DIP2C: variants seen among roughly 807,000 people sequenced by gnomAD.
The protein encoded by DIP2C is disco-interacting protein 2 homolog C.
Under a neutral mutation model 192.4 loss-of-function variants are expected in DIP2C, and 33 were observed. The ratio of observed to expected loss-of-function variants is 0.17; its 90% confidence interval spans 0.13 to 0.23. The LOEUF (loss-of-function observed/expected upper bound fraction) is 0.23, where lower values mean the gene tolerates loss of function less well. Ranked by LOEUF, DIP2C falls within the 10% of genes least tolerant of loss-of-function variation. DIP2C has a pLI of 1.00. For missense variants in DIP2C, 1,537 were observed against 2,110.1 expected, an observed-to-expected ratio of 0.73 and a Z score of 5.32; for synonymous variants, 979 against 864.1, an observed-to-expected ratio of 1.13 and a Z score of -2.33.
At chr10:514,842 C>T (rs1363257057) in intron 1 of DIP2C, among the ~76,000 whole-genome samples, 1 of 152,156 alleles carries the variant, frequency 6.6e-6, no homozygotes, top group Non-Finnish European at 1.5e-5. Context: ...GATTCCTGTG[C>T]TTGGAGGATT....
At chr10:465,598 G>C (rs1470012271) in intron 3 of DIP2C, among the ~76,000 whole-genome samples, 1 of 152,090 alleles carries the variant, frequency 6.6e-6, no homozygotes, top group African/African-American at 2.4e-5. Flanking sequence ...AAGTCAAATT[G>C]TCCCTGTTTG....
chr10:441,872 G>T (rs777913549), intron 3 of DIP2C, among the ~76,000 whole-genome samples: 1 of 150,508 alleles, frequency 6.6e-6, no homozygotes, highest in East Asian at 1.9e-4. Context: ...GGCTGGGAAC[G>T]CAGTGGTGAT....
intron 32 of DIP2C, among the ~76,000 whole-genome samples, chr10:308,573 A>C (rs1393141830): frequency 1.3e-5 from 2 of 152,232 alleles, no homozygotes; most frequent in African/African-American, 4.8e-5. Flanking sequence ...TTATTTAGAA[A>C]ACTGTATGCC....
chr10:354,930 G>A (rs1438447355), intron 24 of DIP2C, among the ~76,000 whole-genome samples: 1 of 151,832 alleles, frequency 6.6e-6, no homozygotes, highest in Non-Finnish European at 1.5e-5. Flanking sequence ...GCAGAGATGG[G>A]CAGGAAATCA....
At chr10:328,550 T>C (rs942015493) in intron 30 of DIP2C, among the ~76,000 whole-genome samples, 9 of 152,156 alleles carry the variant, frequency 5.9e-5, no homozygotes, top group Admixed American at 5.9e-4. Flanking sequence ...GTACTCACTT[T>C]CTAATACAAT....
At chr10:348,842 T>A in intron 25 of DIP2C, 80 bp from the exon 26 acceptor site, 2 of 1,567,156 alleles carry the variant, frequency 1.3e-6, no homozygotes, top group Non-Finnish European at 1.7e-6. Flanking sequence ...TCAATGCTTG[T>A]CTGGGGCAAG....
intron 32 of DIP2C, among the ~76,000 whole-genome samples, chr10:300,664 G>A (rs71489235): frequency 1.4e-5 from 2 of 138,416 alleles, no homozygotes; most frequent in Non-Finnish European, 3.1e-5. Flanking sequence ...GAACCCAGGC[G>A]CGGCCCTGAG....
At chr10:530,141 C>T (rs932684955) in intron 1 of DIP2C, among the ~76,000 whole-genome samples, 3 of 152,208 alleles carry the variant, frequency 2.0e-5, no homozygotes, top group South Asian at 2.1e-4. Flanking sequence ...CACCGTGAGC[C>T]GGGCTTTATT....
At chr10:550,380 C>T (rs1309497979) in intron 1 of DIP2C, among the ~76,000 whole-genome samples, 2 of 152,158 alleles carry the variant, frequency 1.3e-5, no homozygotes, top group Admixed American at 6.5e-5. Context: ...GCACTTCAAG[C>T]ATTCAATTAC....
intron 1 of DIP2C, among the ~76,000 whole-genome samples, chr10:643,985 A>T (rs902311046): frequency 6.6e-6 from 1 of 152,246 alleles, no homozygotes; most frequent in Non-Finnish European, 1.5e-5. Flanking sequence ...CTATGATTCC[A>T]GTTCTGTTCA....
chr10:619,537 G>GCCCT (rs528029497), intron 1 of DIP2C, among the ~76,000 whole-genome samples: 5,046 of 51,334 alleles, frequency 0.098, 302 homozygotes, highest in African/African-American at 0.23. Flanking sequence ...AAGCCCGCCC[G>GCCCT]CCCGCCCTCC....
At chr10:542,652 A>C (rs1240815419) in intron 1 of DIP2C, among the ~76,000 whole-genome samples, 1 of 152,190 alleles carries the variant, frequency 6.6e-6, no homozygotes, top group Admixed American at 6.5e-5. Context: ...AGATCATCAG[A>C]TCCCAGTTCT....
chr10:546,356 G>GA (rs1485621974), intron 1 of DIP2C, among the ~76,000 whole-genome samples: 1 of 150,850 alleles, frequency 6.6e-6, no homozygotes, highest in Non-Finnish European at 1.5e-5. Flanking sequence ...CAGTCTTAAA[G>GA]AAAAAACCAT....
intron 4 of DIP2C, among the ~76,000 whole-genome samples, chr10:436,939 T>C (rs1471904218): frequency 7.7e-6 from 1 of 129,694 alleles, no homozygotes; most frequent in Non-Finnish European, 1.6e-5. Flanking sequence ...GGTAGGGTGA[T>C]ATGCTCCACC....
intron 9 of DIP2C, among the ~76,000 whole-genome samples, chr10:399,832 T>TGGCA (rs757173222): frequency 8.5e-5 from 13 of 152,224 alleles, no homozygotes; most frequent in Non-Finnish European, 1.6e-4. Context: ...CTAGGGCTGG[T>TGGCA]GGCAGCATCA....
intron 32 of DIP2C, among the ~76,000 whole-genome samples, chr10:291,294 A>G (rs1955486469): frequency 6.6e-6 from 1 of 152,262 alleles, no homozygotes; most frequent in Non-Finnish European, 1.5e-5. Context: ...ACGGAAGATC[A>G]TCAAGAATTC....
chr10:622,583 C>G (rs1040490779), intron 1 of DIP2C, among the ~76,000 whole-genome samples: 1 of 152,184 alleles, frequency 6.6e-6, no homozygotes, highest in Non-Finnish European at 1.5e-5. Flanking sequence ...TAGTTGATAT[C>G]AGGGACCTGG....
intron 32 of DIP2C, among the ~76,000 whole-genome samples, chr10:299,384 T>C (rs1955913524): frequency 6.6e-6 from 1 of 152,270 alleles, no homozygotes; most frequent in Non-Finnish European, 1.5e-5. Flanking sequence ...TAATATTTTG[T>C]TGTCATTTCT....
chr10:517,233 C>T (rs1846419601), intron 1 of DIP2C, among the ~76,000 whole-genome samples: 2 of 152,174 alleles, frequency 1.3e-5, no homozygotes, highest in Non-Finnish European at 2.9e-5. Context: ...CAAATCAAAC[C>T]TTGCTGTCCT....
Sources: allele counts gnomAD v4.1 joint callset (sites outside exome capture counted in the v4.1 genomes callset), GRCh38; gene constraint gnomAD v4.1.1; transcripts MANE v1.5; gene names NCBI Gene and HGNC (gene_info 2026-07-23, HGNC 2026-07-21).